Variants in STAG1 observed in about 807,000 individuals in gnomAD.
STAG1 encodes the protein STAG1 cohesin complex component, also known as cohesin subunit SA-1.
Under a neutral mutation model 170.9 loss-of-function variants are expected in STAG1, and 26 were observed. The ratio of observed to expected loss-of-function variants is 0.15; its 90% CI spans 0.11 to 0.21. STAG1 has a LOEUF of 0.21. Among genes scored for constraint, STAG1 ranks in the 10% least tolerant of loss-of-function variants. The probability of loss-of-function intolerance (pLI) is 1.00; values close to 1 mark genes in which losing one functional copy is unlikely to be tolerated. For missense variants in STAG1, 964 were observed against 1,509.5 expected (o/e 0.64, Z 5.99); for synonymous variants, 514 against 497.7 (o/e 1.03, Z -0.44).
At chr3:136,431,031 G>C (rs1196160316) in intron 16 of STAG1, among the ~76,000 whole-genome samples, 3 of 151,880 alleles carry the variant, frequency 2.0e-5, no homozygotes, top group Non-Finnish European at 2.9e-5. Context: ...AGCCTCTCGA[G>C]TAGCTGGGAT....
chr3:136,369,741 T>C (rs1354088184), intron 23 of STAG1, among the ~76,000 whole-genome samples: 1 of 152,202 alleles, frequency 6.6e-6, no homozygotes, highest in Non-Finnish European at 1.5e-5. Flanking sequence ...TAATGAATAT[T>C]TCTAAAAATT....
intron 22 of STAG1, among the ~76,000 whole-genome samples, chr3:136,380,067 C>T (rs1030895307): frequency 3.9e-5 from 6 of 152,110 alleles, no homozygotes; most frequent in East Asian, 1.9e-4. Context: ...TACATTTCAC[C>T]ATCACCCTAC....
At chr3:136,728,884 A>C (rs1576821069) in intron 1 of STAG1, among the ~76,000 whole-genome samples, 1 of 152,308 alleles carries the variant, frequency 6.6e-6, no homozygotes, top group South Asian at 2.1e-4. Context: ...TTTTAATCTA[A>C]TACTTTGACA....
chr3:136,708,424 T>C (rs1943287005), intron 1 of STAG1, among the ~76,000 whole-genome samples: 1 of 151,952 alleles, frequency 6.6e-6, no homozygotes, highest in Non-Finnish European at 1.5e-5. Flanking sequence ...TCCATAGAGA[T>C]AGAAAGCATA....
intron 21 of STAG1, among the ~76,000 whole-genome samples, chr3:136,403,600 G>C (rs557795551): frequency 6.6e-6 from 1 of 152,078 alleles, no homozygotes; most frequent in Non-Finnish European, 1.5e-5. Flanking sequence ...TAAATTACTA[G>C]AAGAGTGATA....
chr3:136,736,566 G>T, intron 1 of STAG1: 2 of 1,509,114 alleles, frequency 1.3e-6, no homozygotes, highest in Non-Finnish European at 1.8e-6. Context: ...CTTCCCCTTT[G>T]TATTGGCTTG....
At chr3:136,689,176 A>G (rs920419714) in intron 1 of STAG1, among the ~76,000 whole-genome samples, 1 of 152,250 alleles carries the variant, frequency 6.6e-6, no homozygotes, top group Non-Finnish European at 1.5e-5. Context: ...GCTTGTCTAT[A>G]AAGAAAAATT....
chr3:136,362,653 T>C (rs917176526), intron 26 of STAG1, among the ~76,000 whole-genome samples: 1 of 150,718 alleles, frequency 6.6e-6, no homozygotes, highest in African/African-American at 2.4e-5. Context: ...AAGAAATTTA[T>C]ACGGATCATC....
chr3:136,461,084 C>A (rs946152098), intron 13 of STAG1, among the ~76,000 whole-genome samples: 6 of 152,148 alleles, frequency 3.9e-5, no homozygotes, highest in Non-Finnish European at 8.8e-5. Context: ...AAAGACAAAA[C>A]TCATATGACC....
At chr3:136,527,052 A>T (rs1446031815) in intron 6 of STAG1, among the ~76,000 whole-genome samples, 2 of 152,154 alleles carry the variant, frequency 1.3e-5, no homozygotes, top group Non-Finnish European at 2.9e-5. Context: ...AACTTCGGTG[A>T]ATCTGACAAT....
chr3:136,614,199 G>A (rs1939461506), intron 3 of STAG1, among the ~76,000 whole-genome samples: 1 of 152,186 alleles, frequency 6.6e-6, no homozygotes, highest in Non-Finnish European at 1.5e-5. Flanking sequence ...GTGGGCAACA[G>A]AGAAAGACTC....
chr3:136,636,700 A>T (rs1940576198), intron 1 of STAG1, among the ~76,000 whole-genome samples: 1 of 152,238 alleles, frequency 6.6e-6, no homozygotes, highest in South Asian at 2.1e-4. Flanking sequence ...GCAAACTTCT[A>T]AACAAACACC....
In STAG1 at chr3:136,464,280, G is replaced by A. The variant is rs576729922; in HGVS notation, c.1313+601C>T. ...CTCTAATAAAAACACAAAATTAGCC[G>A]GGCAGGGTGGCGCATGCCTGTAATC... On this transcript the variant is annotated intron_variant, in intron 13 of 33. Transcript: ENST00000383202. 8.1e-4 allele frequency among the ~76,000 whole-genome samples: 123 copies of A among 151,768 alleles called. 1 individual carries two copies. Among genetic ancestry groups the A allele is most frequent in the African/African-American group, 2.9e-3 (119 of 41,372 alleles).
At chr3:136,583,340 A>C (rs1937636771) in intron 4 of STAG1, among the ~76,000 whole-genome samples, 1 of 152,016 alleles carries the variant, frequency 6.6e-6, no homozygotes, top group Non-Finnish European at 1.5e-5. Flanking sequence ...CTATAAATAC[A>C]AAAAAAATTC....
At chr3:136,658,759 T>A (rs1428729838) in intron 1 of STAG1, among the ~76,000 whole-genome samples, 1 of 152,178 alleles carries the variant, frequency 6.6e-6, no homozygotes, top group Non-Finnish European at 1.5e-5. Context: ...CTGTCAAAAG[T>A]AGTAGTAGGT....
chr3:136,430,567 A>C (rs989349724), intron 16 of STAG1, among the ~76,000 whole-genome samples: 1 of 151,770 alleles, frequency 6.6e-6, no homozygotes, highest in Non-Finnish European at 1.5e-5. Context: ...CCACAATGGA[A>C]GAACAATTGT....
intron 14 of STAG1, among the ~76,000 whole-genome samples, chr3:136,447,595 C>CTT (rs1559806771): frequency 2.5e-5 from 3 of 121,408 alleles, no homozygotes; most frequent in African/African-American, 9.5e-5. Flanking sequence ...AAAAGCATCA[C>CTT]ATTTTTTTTT....
At chr3:136,412,811 G>A (rs2107713708) in intron 21 of STAG1, among the ~76,000 whole-genome samples, 1 of 151,002 alleles carries the variant, frequency 6.6e-6, no homozygotes, top group East Asian at 1.9e-4. Context: ...ATTCTGCATT[G>A]GTCCTAGGCT....
chr3:136,745,539 G>T (rs192665188), intron 1 of STAG1, among the ~76,000 whole-genome samples: 2 of 152,178 alleles, frequency 1.3e-5, no homozygotes, highest in African/African-American at 2.4e-5. Flanking sequence ...TACATCCCTT[G>T]TATGTGCAGT....
Sources: allele counts gnomAD v4.1 joint callset (sites outside exome capture counted in the v4.1 genomes callset), GRCh38; gene constraint gnomAD v4.1.1; transcripts MANE v1.5; gene names NCBI Gene and HGNC (gene_info 2026-07-23, HGNC 2026-07-21).